PITPNC1: variants seen among roughly 807,000 people sequenced by gnomAD.
PITPNC1 encodes the protein cytoplasmic phosphatidylinositol transfer protein 1.
In PITPNC1, 18 loss-of-function variants were observed where a neutral mutation model predicts 44.7. The ratio of observed to expected loss-of-function variants is 0.40; its 90% CI spans 0.28 to 0.60. The LOEUF is 0.60. PITPNC1 is among the 20% of genes least tolerant of loss of function. The probability of loss-of-function intolerance (pLI) is 0.39; values close to 1 mark genes in which losing one functional copy is unlikely to be tolerated. For synonymous variants in PITPNC1, 141 were observed against 149.6 expected, an observed-to-expected ratio of 0.94 and a Z score of 0.42; for missense variants, 290 against 418.4, an observed-to-expected ratio of 0.69 and a Z score of 2.68.
At chr17:67,421,308 G>GT (rs1350953304) in intron 1 of PITPNC1, among the ~76,000 whole-genome samples, 3 of 152,138 alleles carry the variant, frequency 2.0e-5, no homozygotes, top group African/African-American at 2.4e-5. Context: ...TTGAGATGGT[G>GT]TTTCGCTCTT....
chr17:67,449,373 T>C (rs1443341462), intron 1 of PITPNC1, among the ~76,000 whole-genome samples: 1 of 152,214 alleles, frequency 6.6e-6, no homozygotes, highest in Non-Finnish European at 1.5e-5. Flanking sequence ...AGATTGGGTA[T>C]TGTCAATTTA....
At chr17:67,413,964 C>T (rs1408923818) in intron 1 of PITPNC1, among the ~76,000 whole-genome samples, 4 of 152,092 alleles carry the variant, frequency 2.6e-5, no homozygotes, top group African/African-American at 9.7e-5. Context: ...ATTGGTATTG[C>T]TACTTGATTG....
At chr17:67,394,094 T>C (rs1173838418) in intron 1 of PITPNC1, among the ~76,000 whole-genome samples, 2 of 152,072 alleles carry the variant, frequency 1.3e-5, no homozygotes, top group African/African-American at 4.8e-5. Context: ...CATCTCAGCT[T>C]CCCAAAGTGC....
At chr17:67,470,326 A>G (rs2039500911) in intron 1 of PITPNC1, among the ~76,000 whole-genome samples, 2 of 152,212 alleles carry the variant, frequency 1.3e-5, no homozygotes, top group South Asian at 4.1e-4. Flanking sequence ...CCACTGCCCC[A>G]TCAAGATACA....
At chr17:67,386,531 A>AT (rs1293255711) in intron 1 of PITPNC1, among the ~76,000 whole-genome samples, 2 of 152,166 alleles carry the variant, frequency 1.3e-5, no homozygotes, top group African/African-American at 2.4e-5. Flanking sequence ...CAACCTCTTT[A>AT]AGAGCTTCCC....
chr17:67,557,576 T>C (rs2040854889), intron 4 of PITPNC1, among the ~76,000 whole-genome samples: 1 of 152,208 alleles, frequency 6.6e-6, no homozygotes, highest in African/African-American at 2.4e-5. Context: ...TCCATCTCCC[T>C]GGTGACAAGG....
rs145720115 is a variant in PITPNC1, at chr17:67,532,302, C to T, written c.49-500C>T. Among the ~76,000 whole-genome samples the T allele has an allele frequency of 7.9e-5, 12 of 152,230 alleles. No individual in the cohort carries two copies. The East Asian group carries it at 2.1e-3, about 27-fold the overall frequency. ...CCAGCCACCTTTGAGAACCATTGTT[C>T]TAGGGGACAGAGGCCTCCAGGAGAG... is the stretch of plus-strand genomic sequence containing the variant. On this transcript the variant is annotated intron_variant, in intron 1 of 8. Transcript: ENST00000581322.
chr17:67,464,368 G>C (rs1002688228), intron 1 of PITPNC1, among the ~76,000 whole-genome samples: 43 of 152,140 alleles, frequency 2.8e-4, no homozygotes, highest in African/African-American at 1.0e-3. Context: ...CATTTAGGCT[G>C]ATGGCTTTCT....
At chr17:67,629,238 C>CTGTGTGTGTGTGTGTGTGTG (rs71139164) in intron 5 of PITPNC1, among the ~76,000 whole-genome samples, 13,627 of 131,084 alleles carry the variant, frequency 0.1, 917 homozygotes, top group Middle Eastern at 0.13. Flanking sequence ...CTGGGGTATT[C>CTGTGTGTGTGTGTGTGTGTG]TGTGTGTGTG....
intron 1 of PITPNC1, among the ~76,000 whole-genome samples, chr17:67,410,348 GACCTTAA>G (rs1410998800): frequency 6.6e-6 from 1 of 152,054 alleles, no homozygotes; most frequent in Non-Finnish European, 1.5e-5. Flanking sequence ...TATTAATGTG[GACCTTAA>G]ACAGGTCTTT....
At chr17:67,580,756 AG>A (rs1407285358) in intron 5 of PITPNC1, among the ~76,000 whole-genome samples, 1 of 152,122 alleles carries the variant, frequency 6.6e-6, no homozygotes, top group Non-Finnish European at 1.5e-5. Flanking sequence ...CCATTTGAAG[AG>A]GTGTAGAGAG....
intron 6 of PITPNC1, chr17:67,638,901 A>C (rs952910028): frequency 1.3e-5 from 2 of 152,194 alleles, no homozygotes; most frequent in African/African-American, 4.8e-5. Flanking sequence ...ACTTGAGGCC[A>C]GGATTTCAAG....
chr17:67,657,950 A>T (rs1285433805), intron 6 of PITPNC1, among the ~76,000 whole-genome samples: 2 of 152,236 alleles, frequency 1.3e-5, no homozygotes, highest in African/African-American at 4.8e-5. Flanking sequence ...AATGTACATG[A>T]AGATGCTGGA....
At chr17:67,422,419 G>A (rs911125596) in intron 1 of PITPNC1, among the ~76,000 whole-genome samples, 1 of 152,144 alleles carries the variant, frequency 6.6e-6, no homozygotes, top group African/African-American at 2.4e-5. Flanking sequence ...TAGAGATGAG[G>A]TCTTGCTATG....
chr17:67,491,534 G>A (rs895373301), intron 1 of PITPNC1, among the ~76,000 whole-genome samples: 3 of 152,144 alleles, frequency 2.0e-5, no homozygotes, highest in African/African-American at 7.2e-5. Context: ...GATGGTCTCT[G>A]GCTTGTAATT....
intron 6 of PITPNC1, among the ~76,000 whole-genome samples, chr17:67,636,025 G>A (rs112411339): frequency 0.014 from 2,100 of 152,208 alleles, 52 homozygotes; most frequent in African/African-American, 0.047. Flanking sequence ...CCAGCTGGGC[G>A]CGGTGGCTCA....
chr17:67,449,838 C>T (rs1293193204), intron 1 of PITPNC1, among the ~76,000 whole-genome samples: 1 of 152,158 alleles, frequency 6.6e-6, no homozygotes, highest in Non-Finnish European at 1.5e-5. Context: ...AACTCTTTTT[C>T]TGTTAGCTCA....
At chr17:67,394,899 A>G (rs1221254900) in intron 1 of PITPNC1, among the ~76,000 whole-genome samples, 2 of 141,752 alleles carry the variant, frequency 1.4e-5, no homozygotes, top group East Asian at 4.0e-4. Context: ...CGTCTCGAGG[A>G]AAAAAAAAAA....
At chr17:67,666,702 G>A (rs993627186) in intron 6 of PITPNC1, among the ~76,000 whole-genome samples, 3 of 152,170 alleles carry the variant, frequency 2.0e-5, no homozygotes, top group African/African-American at 7.2e-5. Flanking sequence ...CTTTGATGAA[G>A]GCCTGGCGTC....
Sources: gnomAD v4.1 joint callset for allele counts (sites outside exome capture counted in the v4.1 genomes callset) on GRCh38, gnomAD v4.1.1 for gene constraint, MANE v1.5 for transcripts, NCBI Gene and HGNC (gene_info 2026-07-23, HGNC 2026-07-21) for gene names.